Variants in INTS9 observed in about 807,000 individuals in gnomAD.
INTS9 encodes the protein integrator complex subunit 9.
INTS9 carries 55 observed loss-of-function variants against 79.7 expected under a neutral mutation model. The observed-to-expected ratio is 0.69, with a 90% CI of 0.56 to 0.86. The LOEUF (loss-of-function observed/expected upper bound fraction) is 0.86, where lower values mean the gene tolerates loss of function less well. INTS9 is among the 40% of genes least tolerant of loss of function. INTS9 has a pLI of 0.00. For missense variants in INTS9, 721 were observed against 831.5 expected (o/e 0.87, Z 1.64); for synonymous variants, 319 against 325.2 (o/e 0.98, Z 0.20).
rs559714756 is a variant in INTS9 at position 28,847,603 on chromosome 8, T to C, written c.199-794A>G. ...TAGCATTATAAACCAAATGTATTTA[T>C]TCAAAAGAAATAAGCATATGTATAA... On this transcript the variant is annotated intron_variant, in intron 3 of 16. Transcript: ENST00000521022. Among the ~76,000 whole-genome samples the C allele has an allele frequency of 4.6e-5, 7 of 152,362 alleles. No homozygotes were observed. In the South Asian group the frequency reaches 1.2e-3, roughly 27 times the overall value.
chr8:28,833,897 T>A (rs1387499765), intron 6 of INTS9, among the ~76,000 whole-genome samples: 5 of 152,116 alleles, frequency 3.3e-5, no homozygotes, highest in Admixed American at 6.6e-5. Flanking sequence ...CCTTACTTCA[T>A]CTCTTTCAGC....
intron 14 of INTS9, among the ~76,000 whole-genome samples, chr8:28,772,829 A>G (rs887842749): frequency 1.3e-5 from 2 of 152,162 alleles, no homozygotes; most frequent in Admixed American, 1.3e-4. Flanking sequence ...AAAAAGACAT[A>G]CAATTTAAAA....
chr8:28,794,952 T>C (rs570898958), intron 9 of INTS9, among the ~76,000 whole-genome samples: 3 of 152,194 alleles, frequency 2.0e-5, no homozygotes, highest in South Asian at 2.1e-4. Context: ...TAAACAAACA[T>C]ACAAACCAAG....
chr8:28,769,889 C>G lies in INTS9; in HGVS notation c.1800G>C (p.Lys600Asn). The change falls in exon 16 of 17, where the codon AAG (lysine) becomes AAC (asparagine). Residue 600 changes from lysine to asparagine, a missense_variant and splice_region_variant. By Grantham distance (94) the Lys-to-Asn change is moderately conservative (BLOSUM62 0). Coordinates refer to ENST00000521022, the MANE Select transcript of INTS9 (RefSeq NM_018250.4). The part of the protein sequence containing the change: ...PVEQFVQTLE[K>N]HGFSDIKVED... ...CACGGCACCAGCGAAACCAGCTCAC[C>G]TTCTCCAGGGTCTGCACGAACTGCT... 2.5e-6 allele frequency: 4 copies of G among 1,613,712 alleles called. No individual in the cohort carries two copies. The highest frequency in any genetic ancestry group is 3.4e-6 in the Non-Finnish European group (4 of 1,179,834).
chr8:28,884,235 G>C (rs968268626), intron 1 of INTS9, among the ~76,000 whole-genome samples: 6 of 125,322 alleles, frequency 4.8e-5, no homozygotes, highest in African/African-American at 1.8e-4. Flanking sequence ...ACTCAGGCTA[G>C]AGTGCAGAGG....
At chr8:28,782,435 T>TA (rs1329204622) in intron 11 of INTS9, among the ~76,000 whole-genome samples, 1 of 152,256 alleles carries the variant, frequency 6.6e-6, no homozygotes, top group Admixed American at 6.5e-5. Flanking sequence ...AGCAACTGAA[T>TA]AAGGACCAAG....
At chr8:28,855,277 A>C (rs146817121) in intron 2 of INTS9, among the ~76,000 whole-genome samples, 1 of 152,396 alleles carries the variant, frequency 6.6e-6, no homozygotes, top group Non-Finnish European at 1.5e-5. Flanking sequence ...CAGAGTATAC[A>C]GAAGGTACTG....
intron 14 of INTS9, among the ~76,000 whole-genome samples, chr8:28,773,032 A>G (rs1169756652): frequency 1.3e-5 from 2 of 152,232 alleles, no homozygotes; most frequent in Non-Finnish European, 1.5e-5. Flanking sequence ...CCAGAAAGGG[A>G]TGTTCATAAT....
chr8:28,775,879 G>A lies in INTS9; in HGVS notation c.1443C>T (p.Ala481=). Residue 481 remains alanine (A), a synonymous_variant, in exon 14 of 17, where the codon GCC becomes GCT. Coordinates refer to ENST00000521022, the MANE Select transcript of INTS9 (RefSeq NM_018250.4). The part of the protein sequence containing the change: ...CPEQYTQPPP[A]QSHRMDLMID... ...TCATGAGGTCCATCCTGTGGGACTG[G>A]GCTGGGGGCGGCTGAGTGTACTGCT... The A allele has an allele frequency of 6.2e-7, 1 of 1,607,896 alleles. No individual in the cohort carries two copies. The highest frequency in any genetic ancestry group is 8.5e-7 in the Non-Finnish European group (1 of 1,176,942).
intron 3 of INTS9, among the ~76,000 whole-genome samples, chr8:28,847,372 A>G (rs188003130): frequency 2.6e-5 from 4 of 152,022 alleles, no homozygotes; most frequent in Admixed American, 2.0e-4. Context: ...GAGAGTTAAG[A>G]GCCTGAAACA....
intron 9 of INTS9, among the ~76,000 whole-genome samples, chr8:28,795,835 C>T (rs952562219): frequency 2.0e-5 from 3 of 152,102 alleles, no homozygotes; most frequent in African/African-American, 7.2e-5. Context: ...GCAGCCCAAA[C>T]TAACTAAGAC....
At position 28,889,949 on chromosome 8, in the gene INTS9, A is replaced by C. The variant is rs189917036; in HGVS notation, c.-67T>G. On this transcript the variant is annotated 5_prime_UTR_variant, in exon 1 of 17. The change creates a new upstream start codon in the 5' untranslated region. Coordinates refer to ENST00000521022, the MANE Select transcript of INTS9 (RefSeq NM_018250.4). ...AAACCCAGGAAGCGTCTTCCGGTGCAATCTCCGCCACCTGCCAGCCGAGAG... is the reference window on the plus strand; with the variant it reads ...AAACCCAGGAAGCGTCTTCCGGTGCCATCTCCGCCACCTGCCAGCCGAGAG... 45 of 1,338,372 alleles carry C rather than the reference A, an allele frequency of 3.4e-5. No individual in the cohort carries two copies. The highest frequency in any genetic ancestry group is 4.6e-5 in the Non-Finnish European group (43 of 934,920). The allele number at this position is 1,338,372 out of a possible 1,614,324, so 82.9% of individuals were successfully genotyped here.
At chr8:28,811,103 C>A (rs1373497969) in intron 8 of INTS9, among the ~76,000 whole-genome samples, 1 of 150,002 alleles carries the variant, frequency 6.7e-6, no homozygotes, top group Non-Finnish European at 1.5e-5. Flanking sequence ...GCTAATTTCT[C>A]TGTTTTTCTT....
At chr8:28,796,178 C>T (rs1054506525) in intron 9 of INTS9, among the ~76,000 whole-genome samples, 1 of 152,098 alleles carries the variant, frequency 6.6e-6, no homozygotes, top group Non-Finnish European at 1.5e-5. Context: ...GGTGTGTTGG[C>T]ACACGCCTGT....
At chr8:28,801,519 AAAAC>A (rs1804527440) in intron 8 of INTS9, among the ~76,000 whole-genome samples, 1 of 152,084 alleles carries the variant, frequency 6.6e-6, no homozygotes, top group Non-Finnish European at 1.5e-5. Context: ...AAAAACAAAA[AAAAC>A]CCAAAAAACA....
In INTS9 at chr8:28,788,918, G is replaced by A. The variant is rs975839930; in HGVS notation, c.1038-1029C>T. ...TGATAAATCAATATATGTGGGTGTT[G>A]TGCAGGTTTGACATTTAAAAAAATA... is the stretch of plus-strand genomic sequence containing the variant. On this transcript the variant is annotated intron_variant, in intron 10 of 16. Transcript: ENST00000521022. Among the ~76,000 whole-genome samples the A allele has an allele frequency of 5.3e-5, 8 of 152,360 alleles. No homozygotes were observed. In the East Asian group the frequency reaches 1.5e-3, roughly 29 times the overall value.
At chr8:28,768,480 A>G in intron 16 of INTS9, 158 bp from the exon 17 acceptor site, 1 of 677,756 alleles carries the variant, frequency 1.5e-6, no homozygotes, top group Non-Finnish European at 2.5e-6. Context: ...ATAGTTTCTT[A>G]TACTTGAAAA....
chr8:28,769,633 T>G (rs997058073), intron 16 of INTS9: 1 of 458,296 alleles, frequency 2.2e-6, no homozygotes, highest in African/African-American at 2.0e-5. Context: ...GTCACATGTG[T>G]GTGTGGAAGC....
At chr8:28,828,106 T>C (rs1045808033) in intron 6 of INTS9, among the ~76,000 whole-genome samples, 2 of 152,220 alleles carry the variant, frequency 1.3e-5, no homozygotes, top group Non-Finnish European at 2.9e-5. Context: ...AGCCTCTCTC[T>C]GGACATCTTT....
Sources: allele counts gnomAD v4.1 joint callset (sites outside exome capture counted in the v4.1 genomes callset), GRCh38; gene constraint gnomAD v4.1.1; transcripts MANE v1.5; gene names NCBI Gene and HGNC (gene_info 2026-07-23, HGNC 2026-07-21).